Variants in SNX2 observed in about 807,000 individuals in gnomAD.
The protein encoded by SNX2 is sorting nexin 2, also known as sorting nexin-2.
Under a neutral mutation model 69.9 loss-of-function variants are expected in SNX2, and 25 were observed. The ratio of observed to expected loss-of-function variants is 0.36; its 90% CI spans 0.26 to 0.50. The LOEUF (loss-of-function observed/expected upper bound fraction) is 0.50. Ranked by LOEUF, SNX2 falls within the 20% of genes least tolerant of loss-of-function variation. The pLI is 0.97. For synonymous variants in SNX2, 229 were observed against 200.4 expected, an observed-to-expected ratio of 1.14 and a Z score of -1.20; for missense variants, 551 against 613.3, an observed-to-expected ratio of 0.90 and a Z score of 1.07.
intron 1 of SNX2, among the ~76,000 whole-genome samples, chr5:122,779,857 C>G (rs1228764006): frequency 1.3e-5 from 2 of 152,122 alleles, no homozygotes; most frequent in African/African-American, 4.8e-5. Flanking sequence ...TTAAGCCCAG[C>G]ATGCATTAGG....
chr5:122,778,087 G>T (rs917298294), intron 1 of SNX2, among the ~76,000 whole-genome samples: 1 of 152,080 alleles, frequency 6.6e-6, no homozygotes, highest in East Asian at 1.9e-4. Flanking sequence ...GTCTTTCTGT[G>T]CCTGGCTTAT....
chr5:122,812,778 A>G (rs1753809690), intron 7 of SNX2, among the ~76,000 whole-genome samples: 1 of 152,202 alleles, frequency 6.6e-6, no homozygotes, highest in Admixed American at 6.5e-5. Context: ...AGGTAGTAAG[A>G]GCTCAGTAAG....
intron 11 of SNX2, among the ~76,000 whole-genome samples, chr5:122,825,489 T>G (rs183918808): frequency 6.6e-6 from 1 of 152,176 alleles, no homozygotes; most frequent in East Asian, 1.9e-4. Context: ...ATATATATAG[T>G]CCTCTTCATC....
intron 1 of SNX2, 150 bp downstream of exon 1, chr5:122,775,361 C>T (rs925703902): frequency 2.2e-6 from 3 of 1,376,932 alleles, no homozygotes; most frequent in Non-Finnish European, 2.8e-6. Flanking sequence ...CGGTGCCTGT[C>T]AGAGGGATGT....
intron 7 of SNX2, among the ~76,000 whole-genome samples, chr5:122,809,023 G>T (rs2150011340): frequency 6.6e-6 from 1 of 152,092 alleles, no homozygotes; most frequent in South Asian, 2.1e-4. Flanking sequence ...ATATCTGTGG[G>T]TGCCTTATTT....
chr5:122,791,436 C>A (rs1006639026), intron 1 of SNX2, among the ~76,000 whole-genome samples: 5 of 152,328 alleles, frequency 3.3e-5, no homozygotes, highest in African/African-American at 9.6e-5. Context: ...CGCCTGCCAC[C>A]ACGCCCGGCT....
chr5:122,817,399 G>C (rs376654483), intron 10 of SNX2, 26 bp downstream of exon 10: 45 of 1,419,848 alleles, frequency 3.2e-5, no homozygotes, highest in Non-Finnish European at 4.4e-5. Context: ...TACTTACGTA[G>C]TTAGCACCAT....
intron 2 of SNX2, 134 bp downstream of exon 2, chr5:122,795,517 G>A (rs921913119): frequency 1.6e-6 from 1 of 626,136 alleles, no homozygotes; most frequent in African/African-American, 1.9e-5. Context: ...TAGAAGGATG[G>A]GGAATTTCCA....
At chr5:122,785,771 T>TA (rs1369191727) in intron 1 of SNX2, among the ~76,000 whole-genome samples, 1 of 152,186 alleles carries the variant, frequency 6.6e-6, no homozygotes, top group Non-Finnish European at 1.5e-5. Flanking sequence ...TTTAATTTGT[T>TA]AAAGTTTGTT....
chr5:122,791,119 ATTTTTTTTT>A (rs71623268), intron 1 of SNX2, among the ~76,000 whole-genome samples: 96 of 131,666 alleles, frequency 7.3e-4, no homozygotes, highest in Non-Finnish European at 6.4e-4. Context: ...GGCTATTTCA[ATTTTTTTTT>A]TTTTTTTTTT....
At position 122,829,655 on chromosome 5, in the gene SNX2, G is replaced by A. The variant is rs757978599; in HGVS notation, c.*7G>A. 3 of 1,612,190 alleles carry A rather than the reference G, an allele frequency of 1.9e-6. No individual in the cohort carries two copies. The South Asian group carries it at 3.3e-5, about 18-fold the overall frequency. On this transcript the variant is annotated 3_prime_UTR_variant, in exon 15 of 15. Coordinates refer to ENST00000379516, the MANE Select transcript of SNX2 (RefSeq NM_003100.4). The stretch of plus-strand genomic sequence containing the variant: ...AGCCAAAGCCATTGCCTAGCAATAA[G>A]ATTGTTGCCGTTAAGAAGACCTTGG...
chr5:122,784,681 C>T (rs887152665), intron 1 of SNX2, among the ~76,000 whole-genome samples: 2 of 151,998 alleles, frequency 1.3e-5, no homozygotes, highest in African/African-American at 2.4e-5. Context: ...TGTCTGTGTT[C>T]ACGACAGATA....
intron 14 of SNX2, among the ~76,000 whole-genome samples, chr5:122,828,917 A>G (rs7728489): frequency 0.81 from 123,160 of 151,906 alleles, 50,823 homozygotes; most frequent in East Asian, 0.99. Context: ...TCAGGAGTTT[A>G]AGACCAGCCT....
At chr5:122,811,464 G>T (rs1277092455) in intron 7 of SNX2, among the ~76,000 whole-genome samples, 1 of 152,166 alleles carries the variant, frequency 6.6e-6, no homozygotes, top group Non-Finnish European at 1.5e-5. Context: ...TTCCTTTTCA[G>T]TTGAAACCTG....
intron 7 of SNX2, among the ~76,000 whole-genome samples, chr5:122,814,023 A>G (rs1010586219): frequency 1.3e-5 from 2 of 152,064 alleles, no homozygotes; most frequent in South Asian, 2.1e-4. Context: ...CTGCCTGCCA[A>G]AGTGCAGGGA....
chr5:122,817,708 A>T (rs1310460287), intron 10 of SNX2, among the ~76,000 whole-genome samples: 1 of 152,138 alleles, frequency 6.6e-6, no homozygotes, highest in Non-Finnish European at 1.5e-5. Flanking sequence ...TTACAGTTAA[A>T]TGGATGAAGA....
chr5:122,790,480 G>A (rs1440137139), intron 1 of SNX2, among the ~76,000 whole-genome samples: 5 of 152,040 alleles, frequency 3.3e-5, no homozygotes, highest in African/African-American at 1.2e-4. Flanking sequence ...TCATATCCTT[G>A]CCACGTGACC....
intron 6 of SNX2, among the ~76,000 whole-genome samples, chr5:122,806,423 T>C (rs1005907416): frequency 1.3e-5 from 2 of 152,010 alleles, no homozygotes; most frequent in African/African-American, 4.8e-5. Flanking sequence ...AGTCATAACT[T>C]CTCCTGTTTG....
At chr5:122,777,717 CAT>C (rs1386110204) in intron 1 of SNX2, among the ~76,000 whole-genome samples, 6 of 152,220 alleles carry the variant, frequency 3.9e-5, no homozygotes, top group Middle Eastern at 3.4e-3. Context: ...TTAATTGACA[CAT>C]AATGTACATA....
Sources: allele counts gnomAD v4.1 joint callset (sites outside exome capture counted in the v4.1 genomes callset), GRCh38; gene constraint gnomAD v4.1.1; transcripts MANE v1.5; gene names NCBI Gene and HGNC (gene_info 2026-07-23, HGNC 2026-07-21).